PLAGL1: variants seen among roughly 807,000 people sequenced by gnomAD.
PLAGL1 encodes the protein zinc finger protein PLAGL1.
Under a neutral mutation model 4.6 loss-of-function variants are expected in PLAGL1, and 1 was observed. The ratio of observed to expected loss-of-function variants is 0.22; its 90% confidence interval spans 0.08 to 1.03. The LOEUF (loss-of-function observed/expected upper bound fraction) is 1.03, where lower values mean the gene tolerates loss of function less well. PLAGL1 is among the 50% of genes least tolerant of loss of function. The pLI is 0.58. For synonymous variants in PLAGL1, 240 were observed against 237.8 expected (o/e 1.01, Z -0.08); for missense variants, 464 against 570.4 (o/e 0.81, Z 1.90).
chr6:143,993,478 G>A (rs1790982226), intron 1 of PLAGL1, among the ~76,000 whole-genome samples: 1 of 152,052 alleles, frequency 6.6e-6, no homozygotes, highest in South Asian at 2.1e-4. Flanking sequence ...AGGGAGTGAG[G>A]AGACGGCAGA....
chr6:143,947,939 T>C lies in PLAGL1; in HGVS notation c.152+46A>G. 6.4e-7 allele frequency: 1 copy of C among 1,559,990 alleles called. No homozygotes were observed. Among genetic ancestry groups the C allele is most frequent in the Non-Finnish European group, 8.8e-7 (1 of 1,133,506 alleles). ...TGTGGTCTGAGGGCTAGAAAAGCCATTTAAACGTACTTCTAAAAGTGCATA... is the reference window on the plus strand; with the variant it reads ...TGTGGTCTGAGGGCTAGAAAAGCCACTTAAACGTACTTCTAAAAGTGCATA... On this transcript the variant is annotated intron_variant, in intron 7 of 7. Coordinates refer to ENST00000674357, the MANE Select transcript of PLAGL1 (RefSeq NM_001317162.2). The surrounding 1 kb of genome is among the most constrained non-coding windows in gnomAD (Gnocchi z 4.3).
intron 1 of PLAGL1, among the ~76,000 whole-genome samples, chr6:144,033,108 C>T (rs936570716): frequency 3.3e-5 from 5 of 152,118 alleles, no homozygotes; most frequent in African/African-American, 1.2e-4. Context: ...AACAGGACAT[C>T]AGCAAATAAA....
rs1439325863 is a variant in PLAGL1, at chr6:144,006,080, G to A, written c.-584+2010C>T. On this transcript the variant is annotated intron_variant, in intron 1 of 7. Transcript: ENST00000674357. The surrounding 1 kb of genome is among the most constrained non-coding windows in gnomAD (Gnocchi z 4.3). The stretch of plus-strand genomic sequence containing the variant: ...TGATGTTTTCTCCTAAATGCTTTTT[G>A]AAATATTATAAATTAAGTTATAAGA... 2.0e-5 allele frequency: 3 copies of A among 152,046 alleles called. No homozygotes were observed. Among genetic ancestry groups the A allele is most frequent in the Non-Finnish European group, 4.4e-5 (3 of 67,988 alleles). 9.4% of individuals were successfully genotyped at this position (152,046 alleles called of 1,614,324 possible). A position where few individuals can be genotyped will look rare whatever the true frequency, so the allele number is the denominator to read the frequency against.
rs1243028392 is a variant in PLAGL1, at chr6:143,990,875, A to G, written c.-583-5701T>C. Among the ~76,000 whole-genome samples the G allele has an allele frequency of 6.6e-6, 1 of 152,184 alleles. No homozygotes were observed. The highest frequency in any genetic ancestry group is 1.9e-4 in the East Asian group (1 of 5,192). The stretch of plus-strand genomic sequence containing the variant: ...CATTGTTTTTCATTATTTTTAATTG[A>G]GAAAAAGGACCTTGCTTTGCCTATG... On this transcript the variant is annotated intron_variant, in intron 1 of 7. Transcript: ENST00000674357. The surrounding 1 kb of genome is among the most constrained non-coding windows in gnomAD (Gnocchi z 5.4).
intron 2 of PLAGL1, among the ~76,000 whole-genome samples, chr6:143,969,972 G>A (rs565692397): frequency 6.6e-6 from 1 of 152,208 alleles, no homozygotes; most frequent in African/African-American, 2.4e-5. Context: ...GAAAAGAGAT[G>A]GAAATATAGC....
chr6:144,008,590 G>T (rs941346985), upstream of PLAGL1: 3 of 152,272 alleles, frequency 2.0e-5, no homozygotes, highest in African/African-American at 7.2e-5. This position sits in a 1 kb window ranked among gnomAD's most constrained non-coding sequence, Gnocchi z 6.9. Context: ...CAGGTACAGC[G>T]CTGGCGCAGG....
chr6:144,020,777 C>T (rs974695046), intron 1 of PLAGL1, among the ~76,000 whole-genome samples: 1 of 143,832 alleles, frequency 7.0e-6, no homozygotes, highest in African/African-American at 2.6e-5. Context: ...TTTTATATAT[C>T]TATATATATA....
At chr6:144,054,155 AACAAT>A (rs1388396725) in intron 1 of PLAGL1, among the ~76,000 whole-genome samples, 2 of 152,220 alleles carry the variant, frequency 1.3e-5, no homozygotes, top group Non-Finnish European at 2.9e-5. Context: ...TCACTTAACA[AACAAT>A]ACAAAAGTAT....
In PLAGL1 at chr6:143,947,014, G is replaced by T. The variant is rs1320945129; in HGVS notation, c.152+971C>A. On this transcript the variant is annotated intron_variant, in intron 7 of 7. Transcript: ENST00000674357. The surrounding 1 kb of genome is among the most constrained non-coding windows in gnomAD (Gnocchi z 4.3). ...ACTGGCGGCAGAAACGATATCTAAT[G>T]TATTCATTTCCCTCATGGAAGTAGG... is the stretch of plus-strand genomic sequence containing the variant. Among the ~76,000 whole-genome samples, 3 of 152,174 alleles carry T rather than the reference G, an allele frequency of 2.0e-5. No individual in the cohort carries two copies. Among genetic ancestry groups the T allele is most frequent in the Non-Finnish European group, 4.4e-5 (3 of 68,030 alleles).
intron 1 of PLAGL1, among the ~76,000 whole-genome samples, chr6:144,018,060 A>G (rs1248717910): frequency 1.3e-5 from 2 of 152,256 alleles, no homozygotes; most frequent in Non-Finnish European, 2.9e-5. Context: ...ATGAGCACAG[A>G]AGGAATAATT....
intron 1 of PLAGL1, among the ~76,000 whole-genome samples, chr6:144,038,996 C>T (rs1206323961): frequency 6.6e-6 from 1 of 151,988 alleles, no homozygotes; most frequent in Non-Finnish European, 1.5e-5. Flanking sequence ...GAAAACCATG[C>T]CAAGAGACAC....
In PLAGL1 at chr6:144,064,217, C is replaced by T. The variant is rs1468123102; in HGVS notation, c.-151+251G>A. Among the ~76,000 whole-genome samples the T allele has an allele frequency of 3.9e-5, 6 of 152,192 alleles. No individual in the cohort carries two copies. Among genetic ancestry groups the T allele is most frequent in the African/African-American group, 1.4e-4 (6 of 41,548 alleles). On this transcript the variant is annotated intron_variant, in intron 1 of 3. Transcript: ENST00000437412. The surrounding 1 kb of genome is among the most constrained non-coding windows in gnomAD (Gnocchi z 6.8). ...CTGCAGACGACGGAGAAAAGGGAAGCGCGCCCCAAGCCGCACAAAGGTGGC... is the reference window on the plus strand; with the variant it reads ...CTGCAGACGACGGAGAAAAGGGAAGTGCGCCCCAAGCCGCACAAAGGTGGC...
chr6:143,976,999 T>C (rs1786695933), intron 2 of PLAGL1, among the ~76,000 whole-genome samples: 1 of 152,126 alleles, frequency 6.6e-6, no homozygotes, highest in South Asian at 2.1e-4. Context: ...TCCTGTTCGA[T>C]TTTTTTAAAA....
At chr6:143,980,628 A>T (rs1787730164) in intron 2 of PLAGL1, among the ~76,000 whole-genome samples, 1 of 152,172 alleles carries the variant, frequency 6.6e-6, no homozygotes, top group Admixed American at 6.5e-5. Flanking sequence ...TATCCTTATT[A>T]AATCTATTTA....
Position 143,965,374 on chromosome 6 carries a change from T to C in PLAGL1, c.-430-556A>G, listed in dbSNP as rs1784232148. 6.6e-6 allele frequency: 1 copy of C among 152,198 alleles called. No homozygotes were observed. The highest frequency in any genetic ancestry group is 2.4e-5 in the African/African-American group (1 of 41,430). The allele number at this position is 152,198 out of a possible 1,614,324, so 9.4% of individuals were successfully genotyped here. A position where few individuals can be genotyped will look rare whatever the true frequency, so the allele number is the denominator to read the frequency against. On this transcript the variant is annotated intron_variant, in intron 4 of 7. Coordinates refer to ENST00000674357, the MANE Select transcript of PLAGL1 (RefSeq NM_001317162.2). The surrounding 1 kb of genome is among the most constrained non-coding windows in gnomAD (Gnocchi z 7.5). ...GCCATTACGCAGAGACTAGAACTTT[T>C]AGTGCTGAGAGCTCTGGCTGGGAGA...
At chr6:144,046,604 C>A (rs1462101331) in intron 1 of PLAGL1, among the ~76,000 whole-genome samples, 1 of 152,152 alleles carries the variant, frequency 6.6e-6, no homozygotes, top group Non-Finnish European at 1.5e-5. Context: ...TGTTAGTTGG[C>A]CCCTACTGGG....
At position 143,990,165 on chromosome 6, in the gene PLAGL1, G is replaced by C. The variant is rs1238948979; in HGVS notation, c.-583-4991C>G. Among the ~76,000 whole-genome samples, 2 of 151,040 alleles carry C rather than the reference G, an allele frequency of 1.3e-5. No individual in the cohort carries two copies. Among genetic ancestry groups the C allele is most frequent in the African/African-American group, 4.9e-5 (2 of 41,010 alleles). ...GAGATGGAGTCTCGCTCTGTTGCCA[G>C]ACTGGAGTGCAGTGGCATGATCTCA... On this transcript the variant is annotated intron_variant, in intron 1 of 7. Transcript: ENST00000674357. This position sits in a 1 kb window ranked among gnomAD's most constrained non-coding sequence, Gnocchi z 5.4.
rs1213662260 is a variant in PLAGL1, at chr6:144,022,735, A to G, written c.-151+41733T>C. On this transcript the variant is annotated intron_variant, in intron 1 of 3. Transcript: ENST00000437412. The surrounding 1 kb of genome is among the most constrained non-coding windows in gnomAD (Gnocchi z 4.2). ...GTAAGATGTCTCTTGCTCTTCCACCATGATTGTGAGGCCTCCCCAGCCATG... is the reference window on the plus strand; with the variant it reads ...GTAAGATGTCTCTTGCTCTTCCACCGTGATTGTGAGGCCTCCCCAGCCATG... Among the ~76,000 whole-genome samples, 2 of 152,150 alleles carry G rather than the reference A, an allele frequency of 1.3e-5. No homozygotes were observed. The highest frequency in any genetic ancestry group is 2.9e-5 in the Non-Finnish European group (2 of 68,036).
rs1262125652 is a variant in PLAGL1 at position 143,961,647 on chromosome 6, A to T, written c.-398-1105T>A. Among the ~76,000 whole-genome samples the T allele has an allele frequency of 6.6e-6, 1 of 152,156 alleles. No homozygotes were observed. The highest frequency in any genetic ancestry group is 2.4e-5 in the African/African-American group (1 of 41,422). Reference sequence around the variant, plus strand: ...TTTTGCTTGTATAAACACTTTACAAATCATCTTTATGGTCCATCTCTTTCC... The same window carrying T: ...TTTTGCTTGTATAAACACTTTACAATTCATCTTTATGGTCCATCTCTTTCC... On this transcript the variant is annotated intron_variant, in intron 5 of 7. Coordinates refer to ENST00000674357, the MANE Select transcript of PLAGL1 (RefSeq NM_001317162.2). This position sits in a 1 kb window ranked among gnomAD's most constrained non-coding sequence, Gnocchi z 6.5.
Sources: gnomAD v4.1 joint callset for allele counts (sites outside exome capture counted in the v4.1 genomes callset) on GRCh38, gnomAD v4.1.1 for gene constraint, Gnocchi (gnomAD v3.1) non-coding constraint, MANE v1.5 for transcripts, NCBI Gene and HGNC (gene_info 2026-07-23, HGNC 2026-07-21) for gene names.